ADAMTS6: variants seen among roughly 807,000 people sequenced by gnomAD.
The protein encoded by ADAMTS6 is ADAM metallopeptidase with thrombospondin type 1 motif 6, also known as A disintegrin and metalloproteinase with thrombospondin motifs 6.
A neutral mutation model predicts 144.3 loss-of-function variants in ADAMTS6; 23 were observed. The ratio of observed to expected loss-of-function variants is 0.16; its 90% CI spans 0.11 to 0.23. The LOEUF (loss-of-function observed/expected upper bound fraction) is 0.23. ADAMTS6 is among the 10% of genes least tolerant of loss of function. The pLI, the probability that ADAMTS6 is intolerant of heterozygous loss-of-function variation, is 1.00. For missense variants in ADAMTS6, 999 were observed against 1,379.6 expected, an observed-to-expected ratio of 0.72 and a Z score of 4.37; for synonymous variants, 444 against 457.5, an observed-to-expected ratio of 0.97 and a Z score of 0.38.
At chr5:65,333,295 AC>A (rs1420197459) in intron 8 of ADAMTS6, among the ~76,000 whole-genome samples, 1 of 152,052 alleles carries the variant, frequency 6.6e-6, no homozygotes, top group Non-Finnish European at 1.5e-5. Context: ...CTGGAGAGCT[AC>A]CTTTTTTGCC....
chr5:65,447,785 T>G (rs919866285), intron 7 of ADAMTS6, among the ~76,000 whole-genome samples: 2 of 151,186 alleles, frequency 1.3e-5, no homozygotes, highest in East Asian at 1.9e-4. Flanking sequence ...TAACTAAAAT[T>G]ATAGATCACA....
At chr5:65,199,753 G>A (rs1755616037) in intron 20 of ADAMTS6, among the ~76,000 whole-genome samples, 1 of 152,084 alleles carries the variant, frequency 6.6e-6, no homozygotes, top group Admixed American at 6.6e-5. Context: ...TCATTCAACA[G>A]AGATAGTTAC....
At chr5:65,398,709 CAGAAAGAGAGAA>C (rs1157026689) in intron 7 of ADAMTS6, among the ~76,000 whole-genome samples, 5 of 144,914 alleles carry the variant, frequency 3.5e-5, no homozygotes, top group Admixed American at 2.1e-4. Flanking sequence ...GAGACTCTGT[CAGAAAGAGAGAA>C]AGAGAGAGAG....
In ADAMTS6 at chr5:65,300,085, C is replaced by A; in HGVS notation, c.1270G>T (p.Gly424Cys). ...DGIGNSCGTK[G>C]HEAAKLMAAH... is the part of the protein sequence containing the mutation. ...GCCATAAGTTTTGCTGCTTCATGAC[C>A]TTTCGTCCCACAAGAATTTCCAATT... Residue 424 changes from glycine to cysteine, a missense_variant, in exon 10 of 25, where the codon GGT becomes TGT. Physicochemically the swap from Gly to Cys is radical, Grantham distance 159. This residue lies in a region of ADAMTS6 where 128 missense variants were observed against 249.0 expected (regional missense o/e 0.51). Transcript: ENST00000381055. The A allele has an allele frequency of 1.2e-6, 2 of 1,614,086 alleles. No homozygotes were observed. The highest frequency in any genetic ancestry group is 1.7e-6 in the Non-Finnish European group (2 of 1,179,992).
chr5:65,224,488 A>G, intron 17 of ADAMTS6, 88 bp from the exon 18 acceptor site: 4 of 1,134,378 alleles, frequency 3.5e-6, no homozygotes, highest in Non-Finnish European at 5.3e-6. Context: ...TTTCCTTATT[A>G]TTCCATTCTC....
chr5:65,394,457 A>G (rs1753177663), intron 7 of ADAMTS6, among the ~76,000 whole-genome samples: 1 of 152,342 alleles, frequency 6.6e-6, no homozygotes, highest in South Asian at 2.1e-4. Flanking sequence ...AATAATAAAA[A>G]TGATTGCTGT....
At chr5:65,432,527 C>A (rs1757073296) in intron 7 of ADAMTS6, among the ~76,000 whole-genome samples, 1 of 152,078 alleles carries the variant, frequency 6.6e-6, no homozygotes, top group Non-Finnish European at 1.5e-5. Flanking sequence ...CTTAATCACA[C>A]ACACACACAC....
rs75592843 is a variant in ADAMTS6 at position 65,235,304 on chromosome 5, A to C, written c.1933+6800T>G. Among the ~76,000 whole-genome samples, 720 of 152,362 alleles carry C rather than the reference A, an allele frequency of 4.7e-3. 7 individuals carry two copies. Among genetic ancestry groups the C allele is most frequent in the African/African-American group, 0.016 (681 of 41,584 alleles). ...TCATTTCACAGCATATATGTATATC[A>C]AAACATTACATTGTACACCTTAACT... On this transcript the variant is annotated intron_variant, in intron 15 of 24. Coordinates refer to ENST00000381055, the MANE Select transcript of ADAMTS6 (RefSeq NM_197941.4).
intron 10 of ADAMTS6, among the ~76,000 whole-genome samples, chr5:65,293,131 A>C (rs1180107208): frequency 6.6e-6 from 1 of 152,100 alleles, no homozygotes; most frequent in African/African-American, 2.4e-5. Flanking sequence ...TGAATAGTAC[A>C]ATGGAAAAAG....
At chr5:65,360,129 T>C (rs974956587) in intron 7 of ADAMTS6, among the ~76,000 whole-genome samples, 1 of 152,162 alleles carries the variant, frequency 6.6e-6, no homozygotes, top group African/African-American at 2.4e-5. Context: ...AGGAACATGA[T>C]GCTGGCCATC....
At chr5:65,398,665 T>G (rs959891777) in intron 7 of ADAMTS6, among the ~76,000 whole-genome samples, 1 of 150,608 alleles carries the variant, frequency 6.6e-6, no homozygotes, top group African/African-American at 2.4e-5. Flanking sequence ...TGAGCTGAGA[T>G]TGCACCACTG....
chr5:65,402,488 T>G (rs1754008630), intron 7 of ADAMTS6, among the ~76,000 whole-genome samples: 1 of 152,082 alleles, frequency 6.6e-6, no homozygotes, highest in South Asian at 2.1e-4. Context: ...TCATACTTCT[T>G]CTCTCTCCTC....
rs758375300 is a variant in ADAMTS6 at position 65,188,225 on chromosome 5, A to C, written c.2706-5T>G. ...AACCAATCCCCAATGAACCACCTGCAGCAAGACATGGAAGAAACACAGAAA... is the reference window on the plus strand; with the variant it reads ...AACCAATCCCCAATGAACCACCTGCCGCAAGACATGGAAGAAACACAGAAA... On this transcript the variant is annotated splice_polypyrimidine_tract_variant and splice_region_variant and intron_variant, in intron 21 of 24. Coordinates refer to ENST00000381055, the MANE Select transcript of ADAMTS6 (RefSeq NM_197941.4). The C allele has an allele frequency of 6.2e-7, 1 of 1,613,286 alleles. No individual in the cohort carries two copies. The highest frequency in any genetic ancestry group is 8.5e-7 in the Non-Finnish European group (1 of 1,179,912).
intron 21 of ADAMTS6, among the ~76,000 whole-genome samples, chr5:65,195,432 T>A (rs1755275766): frequency 6.6e-6 from 1 of 152,216 alleles, no homozygotes; most frequent in African/African-American, 2.4e-5. Flanking sequence ...ACAAAAACTA[T>A]CACTCTAGAT....
intron 9 of ADAMTS6, among the ~76,000 whole-genome samples, chr5:65,314,740 A>C (rs1342545550): frequency 6.6e-6 from 1 of 152,148 alleles, no homozygotes; most frequent in Non-Finnish European, 1.5e-5. Flanking sequence ...TGTCCAGTGA[A>C]ATTATCTTTC....
intron 23 of ADAMTS6, among the ~76,000 whole-genome samples, 179 bp from the exon 24 acceptor site, chr5:65,170,952 C>T (rs1466825734): frequency 6.6e-6 from 1 of 151,608 alleles, no homozygotes; most frequent in African/African-American, 2.4e-5. Context: ...AATCCTCCTG[C>T]CTTGGCCTCC....
At chr5:65,378,777 C>G (rs1315831379) in intron 7 of ADAMTS6, among the ~76,000 whole-genome samples, 2 of 152,162 alleles carry the variant, frequency 1.3e-5, no homozygotes, top group African/African-American at 2.4e-5. Flanking sequence ...TCATTCACTG[C>G]TATTTCATAT....
At chr5:65,301,126 G>C (rs979673771) in intron 9 of ADAMTS6, among the ~76,000 whole-genome samples, 4 of 151,924 alleles carry the variant, frequency 2.6e-5, no homozygotes, top group Non-Finnish European at 1.5e-5. Flanking sequence ...GCCATGCTTA[G>C]TGCTAACAAT....
intron 7 of ADAMTS6, among the ~76,000 whole-genome samples, chr5:65,434,797 A>G (rs1757263827): frequency 6.6e-6 from 1 of 152,232 alleles, no homozygotes; most frequent in Admixed American, 6.5e-5. Context: ...GGGCATGTGA[A>G]TTGGTAAAAT....
Sources: gnomAD v4.1 joint callset for allele counts (sites outside exome capture counted in the v4.1 genomes callset) on GRCh38, gnomAD v4.1.1 for gene constraint, gnomAD v4.1.1 regional missense constraint, MANE v1.5 for transcripts, NCBI Gene and HGNC (gene_info 2026-07-23, HGNC 2026-07-21) for gene names.